MAGI2: variants seen among roughly 807,000 people sequenced by gnomAD.
The protein encoded by MAGI2 is membrane associated guanylate kinase, WW and PDZ domain containing 2.
A neutral mutation model predicts 133.3 loss-of-function variants in MAGI2; 35 were observed. The ratio of observed to expected loss-of-function variants is 0.26; its 90% CI spans 0.20 to 0.35. The LOEUF (loss-of-function observed/expected upper bound fraction) is 0.35. Ranked by LOEUF, MAGI2 falls within the 10% of genes least tolerant of loss-of-function variation. The pLI is 1.00. For missense variants in MAGI2, 1,636 were observed against 1,863.4 expected (o/e 0.88, Z 2.25); for synonymous variants, 729 against 710.6 (o/e 1.03, Z -0.41).
intron 3 of MAGI2, among the ~76,000 whole-genome samples, chr7:78,613,744 A>G (rs1806733921): frequency 6.6e-6 from 1 of 152,230 alleles, no homozygotes; most frequent in Non-Finnish European, 1.5e-5. Flanking sequence ...GACTATGAAC[A>G]TGAGTTAAAA....
chr7:78,459,845 A>T (rs890518267), intron 6 of MAGI2, among the ~76,000 whole-genome samples: 1 of 152,258 alleles, frequency 6.6e-6, no homozygotes, highest in African/African-American at 2.4e-5. Context: ...ATTTAAGCTG[A>T]CAAGAAAAAC....
chr7:78,837,753 T>C (rs555420111), intron 2 of MAGI2, among the ~76,000 whole-genome samples: 1 of 152,284 alleles, frequency 6.6e-6, no homozygotes, highest in African/African-American at 2.4e-5. Flanking sequence ...ACAGTTTTAA[T>C]GGAACTGAAT....
At chr7:78,194,307 C>A (rs745504194) in intron 12 of MAGI2, among the ~76,000 whole-genome samples, 1 of 152,108 alleles carries the variant, frequency 6.6e-6, no homozygotes, top group Admixed American at 6.5e-5. Flanking sequence ...AGTGCATACA[C>A]GATATTTTAA....
At chr7:78,275,866 T>G (rs1009380023) in intron 9 of MAGI2, among the ~76,000 whole-genome samples, 2 of 152,176 alleles carry the variant, frequency 1.3e-5, no homozygotes, top group African/African-American at 4.8e-5. Flanking sequence ...AATAAATCAG[T>G]TCTCTTAGGT....
chr7:78,654,557 G>A (rs551482006), intron 2 of MAGI2, among the ~76,000 whole-genome samples: 3 of 151,396 alleles, frequency 2.0e-5, no homozygotes, highest in East Asian at 1.9e-4. Flanking sequence ...TTATGCCAAC[G>A]TTTCCCAAGT....
At chr7:78,621,449 G>C (rs1301566712) in intron 3 of MAGI2, 1 of 151,898 alleles carries the variant, frequency 6.6e-6, no homozygotes, top group African/African-American at 2.4e-5. Flanking sequence ...ATATGAAAAG[G>C]TGAGGATGAA....
intron 1 of MAGI2, among the ~76,000 whole-genome samples, chr7:79,432,511 G>C (rs909632047): frequency 1.3e-5 from 2 of 152,210 alleles, no homozygotes; most frequent in Non-Finnish European, 2.9e-5. Flanking sequence ...CCTGAGTGGA[G>C]CTGCTCATAA....
chr7:78,542,592 T>A (rs1798505173), intron 3 of MAGI2, among the ~76,000 whole-genome samples: 1 of 152,170 alleles, frequency 6.6e-6, no homozygotes, highest in African/African-American at 2.4e-5. Flanking sequence ...AATGAAAATT[T>A]GCCCACTATA....
chr7:79,116,766 G>T (rs188404538), intron 1 of MAGI2, among the ~76,000 whole-genome samples: 1 of 152,190 alleles, frequency 6.6e-6, no homozygotes, highest in African/African-American at 2.4e-5. Context: ...CCCAACATCT[G>T]GTTGTTTAAG....
intron 2 of MAGI2, among the ~76,000 whole-genome samples, chr7:78,653,177 AC>A (rs776287614): frequency 3.2e-4 from 48 of 152,190 alleles, no homozygotes; most frequent in Non-Finnish European, 5.9e-4. Flanking sequence ...ACACTTTTAC[AC>A]TGTTGGTGGG....
intron 2 of MAGI2, among the ~76,000 whole-genome samples, chr7:78,657,763 CAT>C (rs1812464985): frequency 6.6e-6 from 1 of 152,140 alleles, no homozygotes. Context: ...TGTCCAGACT[CAT>C]AGAATATACA....
intron 1 of MAGI2, among the ~76,000 whole-genome samples, chr7:79,334,269 C>T (rs1293736482): frequency 3.3e-5 from 5 of 152,164 alleles, no homozygotes; most frequent in Non-Finnish European, 5.9e-5. Flanking sequence ...TAATGCATTT[C>T]CAAGTGTCTG....
At chr7:78,451,315 G>C (rs1788700554) in intron 6 of MAGI2, among the ~76,000 whole-genome samples, 1 of 152,086 alleles carries the variant, frequency 6.6e-6, no homozygotes, top group African/African-American at 2.4e-5. Flanking sequence ...TTAGAAACGA[G>C]AGGGTTCCTC....
intron 1 of MAGI2, among the ~76,000 whole-genome samples, chr7:79,245,273 T>G (rs1193469833): frequency 6.6e-6 from 1 of 152,196 alleles, no homozygotes; most frequent in Non-Finnish European, 1.5e-5. Flanking sequence ...GGACTTCATC[T>G]GTCAGCATAG....
chr7:78,295,003 CATT>C (rs1347564819), intron 9 of MAGI2, among the ~76,000 whole-genome samples: 2 of 152,058 alleles, frequency 1.3e-5, no homozygotes, highest in African/African-American at 2.4e-5. Context: ...GATAAGGCGT[CATT>C]ATTTTATCTA....
intron 3 of MAGI2, among the ~76,000 whole-genome samples, chr7:78,594,478 A>C (rs539051810): frequency 1.8e-4 from 28 of 152,012 alleles, no homozygotes; most frequent in African/African-American, 6.8e-4. Context: ...GTTTTTTTTG[A>C]GACAGAGTCT....
In MAGI2 at chr7:78,570,133, A is replaced by G. The variant is rs188129433; in HGVS notation, c.539-48488T>C. Among the ~76,000 whole-genome samples the G allele has an allele frequency of 8.8e-3, 1,346 of 152,290 alleles. 12 individuals carry two copies. Among genetic ancestry groups the G allele is most frequent in the Middle Eastern group, 0.037 (11 of 294 alleles). On this transcript the variant is annotated intron_variant, in intron 3 of 21. Coordinates refer to ENST00000354212, the MANE Select transcript of MAGI2 (RefSeq NM_012301.4). ...CGTCCTTTGGTGAACAGATATGTAC[A>G]TATTCCAACAGGGTAGAGTGGAATA...
At position 78,669,870 on chromosome 7, in the gene MAGI2, A is replaced by T. The variant is rs566486435; in HGVS notation, c.419-42631T>A. On this transcript the variant is annotated intron_variant, in intron 2 of 21. Transcript: ENST00000354212. The stretch of plus-strand genomic sequence containing the variant: ...GAAAAGGCCTTTGACAAAATTCAAC[A>T]ACCCTTCATGCTAAAAGCTCTCAAT... 2.0e-3 allele frequency among the ~76,000 whole-genome samples: 308 copies of T among 152,218 alleles called. 1 individual carries two copies. Among genetic ancestry groups the T allele is most frequent in the African/African-American group, 7.3e-3 (301 of 41,456 alleles).
rs574629397 is a variant in MAGI2 at position 78,018,079 on chromosome 7, G to A, written c.*1236C>T. 4 of 152,284 alleles carry A rather than the reference G, an allele frequency of 2.6e-5. No homozygotes were observed. In the East Asian group the frequency reaches 7.7e-4, roughly 29 times the overall value. 9.4% of individuals were successfully genotyped at this position (152,284 alleles called of 1,614,324 possible). ...AAGGCAAGACTTAGAATTTTACTAG[G>A]AGGTCAATCATAGATCCATGAAGAT... is the stretch of plus-strand genomic sequence containing the variant. On this transcript the variant is annotated 3_prime_UTR_variant, in exon 22 of 22. Transcript: ENST00000354212.
Sources: gnomAD v4.1 joint callset for allele counts (sites outside exome capture counted in the v4.1 genomes callset) on GRCh38, gnomAD v4.1.1 for gene constraint, MANE v1.5 for transcripts, NCBI Gene and HGNC (gene_info 2026-07-23, HGNC 2026-07-21) for gene names.